SLC4A7: variants seen among roughly 807,000 people sequenced by gnomAD.
The protein encoded by SLC4A7 is solute carrier family 4 member 7.
Under a neutral mutation model 137.6 loss-of-function variants are expected in SLC4A7, and 51 were observed. That is an observed-to-expected ratio of 0.37 (90% CI 0.30 to 0.47). SLC4A7 has a LOEUF of 0.47. Ranked by LOEUF, SLC4A7 falls within the 20% of genes least tolerant of loss-of-function variation. The pLI is 1.00. For missense variants in SLC4A7, 1,247 were observed against 1,525.4 expected (o/e 0.82, Z 3.04); for synonymous variants, 542 against 518.6 (o/e 1.05, Z -0.61).
intron 1 of SLC4A7, among the ~76,000 whole-genome samples, chr3:27,473,090 AAAAG>A (rs2059320846): frequency 6.6e-6 from 1 of 151,886 alleles, no homozygotes; most frequent in African/African-American, 2.4e-5. Flanking sequence ...AAAAAAAAAA[AAAAG>A]GATTAGAATC....
intron 6 of SLC4A7, 120 bp downstream of exon 6, chr3:27,433,796 G>C: frequency 1.3e-6 from 1 of 765,032 alleles, no homozygotes; most frequent in Non-Finnish European, 2.2e-6. Context: ...GCAGGAAGGA[G>C]AAGTAATTCA....
chr3:27,482,138 T>C (rs777641770), intron 1 of SLC4A7, among the ~76,000 whole-genome samples: 1 of 151,870 alleles, frequency 6.6e-6, no homozygotes, highest in Non-Finnish European at 1.5e-5. Context: ...GTCTCAAAAA[T>C]AAATAAATAA....
Position 27,431,372 on chromosome 3 carries a change from G to A in SLC4A7, c.1076C>T (p.Pro359Leu), listed in dbSNP as rs760582815. The change falls in exon 7 of 26, where the codon CCG (proline) becomes CTG (leucine). Residue 359 changes from proline (P) to leucine (L), a missense_variant. Coordinates refer to ENST00000454389, the MANE Select transcript of SLC4A7 (RefSeq NM_001321103.2). Reference protein sequence around the residue: ...SDDIPTVVIHPPEEDLEAALK... With the variant: ...SDDIPTVVIHLPEEDLEAALK... ...CGCTGCTTCTAAGTCTTCCTCAGGC[G>A]GATGAATTACTACTGTGGGAATATC... The A allele has an allele frequency of 1.2e-5, 19 of 1,613,160 alleles. No individual in the cohort carries two copies. Among genetic ancestry groups the A allele is most frequent in the African/African-American group, 4.0e-5 (3 of 74,900 alleles).
intron 1 of SLC4A7, among the ~76,000 whole-genome samples, chr3:27,479,373 C>G (rs2059614315): frequency 5.3e-5 from 8 of 151,702 alleles, no homozygotes; most frequent in Admixed American, 5.3e-4. Context: ...ATGATGGTAC[C>G]ACTGCACTTC....
Position 27,448,791 on chromosome 3 carries a change from C to T in SLC4A7, c.149G>A (p.Arg50Lys). Residue 50 changes from arginine to lysine, a missense_variant, in exon 3 of 26, where the codon AGA becomes AAA. Physicochemically the swap from Arg to Lys is conservative, Grantham distance 26 (BLOSUM62 2). Around this residue, in one of 6 missense-constraint regions of SLC4A7, gnomAD observed 176 missense variants for 186.4 expected, o/e 0.94. Coordinates refer to ENST00000454389, the MANE Select transcript of SLC4A7 (RefSeq NM_001321103.2). ...GACGTGAACACCAATATATACAGCT[C>T]TATGACCTATTAAAAGGTTCAGAAA... ...KFEKEELESH[R>K]AVYIGVHVPF... is the part of the protein sequence containing the mutation. 1 of 1,590,010 alleles carries T rather than the reference C, an allele frequency of 6.3e-7. No homozygotes were observed. Among genetic ancestry groups the T allele is most frequent in the Non-Finnish European group, 8.6e-7 (1 of 1,169,582 alleles).
rs959691659 is a variant in SLC4A7, at chr3:27,374,293, A to C, written c.*2471T>G. 3 of 152,532 alleles carry C rather than the reference A, an allele frequency of 2.0e-5. No homozygotes were observed. Among genetic ancestry groups the C allele is most frequent in the African/African-American group, 7.2e-5 (3 of 41,466 alleles). The allele number at this position is 152,532 out of a possible 1,614,324, so 9.4% of individuals were successfully genotyped here. On this transcript the variant is annotated 3_prime_UTR_variant, in exon 26 of 26. Transcript: ENST00000454389. ...GGCATCTAAAGAAAGTGCAGGGCTG[A>C]ATTTATTTTGTAAATGGAATATGTA...
chr3:27,484,287 G>A lies in SLC4A7; in HGVS notation c.-161C>T. 1 of 457,198 alleles carries A rather than the reference G, an allele frequency of 2.2e-6. No homozygotes were observed. Among genetic ancestry groups the A allele is most frequent in the Non-Finnish European group, 3.4e-6 (1 of 291,222 alleles). 28.3% of individuals were successfully genotyped at this position (457,198 alleles called of 1,614,324 possible). A position where few individuals can be genotyped will look rare whatever the true frequency, so the allele number is the denominator to read the frequency against. ...GCGCGCGTGGGGAGAGCCGGGCGCC[G>A]GGCGCGGGAGACGCGGGGCGTGCGT... is the stretch of plus-strand genomic sequence containing the variant. On this transcript the variant is annotated 5_prime_UTR_variant, in exon 1 of 26. Transcript: ENST00000454389.
intron 1 of SLC4A7, among the ~76,000 whole-genome samples, chr3:27,474,197 G>C (rs1363010040): frequency 1.3e-5 from 2 of 152,074 alleles, no homozygotes; most frequent in East Asian, 3.8e-4. Context: ...AGCAGTCTTA[G>C]GAGGTAAAAT....
intron 1 of SLC4A7, among the ~76,000 whole-genome samples, chr3:27,472,409 G>A (rs1468307073): frequency 2.0e-5 from 3 of 152,102 alleles, no homozygotes; most frequent in African/African-American, 4.8e-5. Flanking sequence ...CCAACATGGC[G>A]AAACCCCATC....
chr3:27,377,603 G>C (rs563736080), intron 25 of SLC4A7, among the ~76,000 whole-genome samples: 4 of 152,124 alleles, frequency 2.6e-5, no homozygotes, highest in Non-Finnish European at 4.4e-5. Context: ...ATGTTGGTCA[G>C]GCTGGTCTCG....
At position 27,421,664 on chromosome 3, in the gene SLC4A7, G is replaced by A. The variant is rs776265900; in HGVS notation, c.1382C>T (p.Ala461Val). ...PIIAFVRLAP[A>V]VLLTGLTEVP... ...CTCAGTCAACCCTGTAAGGAGGACA[G>A]CAGGAGCCAGTCTCACAAATGCAAT... Residue 461 changes from alanine (A) to valine (V), a missense_variant, in exon 9 of 26, where the codon GCT becomes GTT. Coordinates refer to ENST00000454389, the MANE Select transcript of SLC4A7 (RefSeq NM_001321103.2). 2 of 1,614,052 alleles carry A rather than the reference G, an allele frequency of 1.2e-6. No homozygotes were observed. The highest frequency in any genetic ancestry group is 2.2e-5 in the South Asian group (2 of 91,072).
intron 1 of SLC4A7, among the ~76,000 whole-genome samples, chr3:27,455,537 G>C (rs903630496): frequency 6.6e-6 from 1 of 151,394 alleles, no homozygotes; most frequent in African/African-American, 2.4e-5. Flanking sequence ...AGTTTTCAAT[G>C]AGAGTGTTTT....
chr3:27,414,046 G>A (rs1471286171), intron 11 of SLC4A7, among the ~76,000 whole-genome samples: 10 of 152,098 alleles, frequency 6.6e-5, no homozygotes, highest in Non-Finnish European at 4.4e-5. Flanking sequence ...TTGGGAGACC[G>A]AGGCAGGTGG....
chr3:27,446,135 T>C (rs1296216094), intron 3 of SLC4A7, among the ~76,000 whole-genome samples: 2 of 150,684 alleles, frequency 1.3e-5, no homozygotes, highest in African/African-American at 2.4e-5. Flanking sequence ...TGTATATATA[T>C]ATATAAAAAT....
chr3:27,372,852 C>T lies in SLC4A7; in HGVS notation c.*3912G>A, dbSNP rs1180763195. The T allele has an allele frequency of 6.6e-6, 1 of 152,514 alleles. No homozygotes were observed. The highest frequency in any genetic ancestry group is 1.5e-5 in the Non-Finnish European group (1 of 68,028). 9.4% of individuals were successfully genotyped at this position (152,514 alleles called of 1,614,324 possible). A position where few individuals can be genotyped will look rare whatever the true frequency, so the allele number is the denominator to read the frequency against. The stretch of plus-strand genomic sequence containing the variant: ...AATATAGACCCAGTAGAGGCTTATA[C>T]TTCATATAAATGAAAAATATCAGTT... On this transcript the variant is annotated 3_prime_UTR_variant, in exon 26 of 26. Transcript: ENST00000454389.
chr3:27,426,280 A>G (rs1256870263), intron 7 of SLC4A7, among the ~76,000 whole-genome samples: 2 of 152,146 alleles, frequency 1.3e-5, no homozygotes, highest in East Asian at 1.9e-4. Flanking sequence ...CCAAGCCTCA[A>G]CTCATTTCTT....
At chr3:27,382,690 T>C (rs765402224) in intron 24 of SLC4A7, among the ~76,000 whole-genome samples, 3 of 152,076 alleles carry the variant, frequency 2.0e-5, no homozygotes, top group Non-Finnish European at 2.9e-5. Flanking sequence ...CTAAACATAG[T>C]TACATATTGG....
At chr3:27,452,137 CT>C (rs2058112529) in intron 2 of SLC4A7, among the ~76,000 whole-genome samples, 1 of 151,952 alleles carries the variant, frequency 6.6e-6, no homozygotes, top group African/African-American at 2.4e-5. Context: ...ACTCAGCCTG[CT>C]AGAAATGAAA....
rs1441686432 is a variant in SLC4A7 at position 27,394,501 on chromosome 3, C to T, written c.3117+17G>A. The T allele has an allele frequency of 1.2e-6, 2 of 1,602,880 alleles. No individual in the cohort carries two copies. The highest frequency in any genetic ancestry group is 4.5e-5 in the East Asian group (2 of 44,802). On this transcript the variant is annotated intron_variant, in intron 20 of 25. Transcript: ENST00000454389. Reference sequence around the variant, plus strand: ...GTTATAATAAGATTGTAAAACACGGCAATAAAGAAATTTTACCTTTAGGAC... The same window carrying T: ...GTTATAATAAGATTGTAAAACACGGTAATAAAGAAATTTTACCTTTAGGAC...
Sources: allele counts gnomAD v4.1 joint callset (sites outside exome capture counted in the v4.1 genomes callset), GRCh38; gene constraint gnomAD v4.1.1; regional missense constraint gnomAD v4.1.1; transcripts MANE v1.5; gene names NCBI Gene and HGNC (gene_info 2026-07-23, HGNC 2026-07-21).